Variants in PLD5 observed in about 807,000 individuals in gnomAD.
PLD5 encodes the protein inactive phospholipase D5.
Under a neutral mutation model 61.1 loss-of-function variants are expected in PLD5, and 36 were observed. The ratio of observed to expected loss-of-function variants is 0.59; its 90% CI spans 0.45 to 0.78. PLD5 has a LOEUF of 0.78. PLD5 is among the 30% of genes least tolerant of loss of function. PLD5 has a pLI of 0.00. For synonymous variants in PLD5, 243 were observed against 242.8 expected (o/e 1.00, Z -0.01); for missense variants, 515 against 644.4 (o/e 0.80, Z 2.17).
At chr1:242,431,926 G>A (rs562943009) in intron 1 of PLD5, among the ~76,000 whole-genome samples, 1 of 152,280 alleles carries the variant, frequency 6.6e-6, no homozygotes, top group African/African-American at 2.4e-5. Flanking sequence ...ACCGTAAGAG[G>A]TAAGTCAATG....
chr1:242,264,943 A>AT (rs1673574310), intron 4 of PLD5, among the ~76,000 whole-genome samples: 1 of 152,242 alleles, frequency 6.6e-6, no homozygotes, highest in Admixed American at 6.5e-5. Flanking sequence ...TGACTATATT[A>AT]TTTTTTAAAT....
chr1:242,203,858 T>C (rs1669147631), intron 5 of PLD5: 1 of 152,246 alleles, frequency 6.6e-6, no homozygotes, highest in Admixed American at 6.5e-5. Context: ...GTGGTCTTCA[T>C]TTATTTTCAC....
chr1:242,244,826 T>C (rs1165759869), intron 4 of PLD5, among the ~76,000 whole-genome samples: 3 of 152,368 alleles, frequency 2.0e-5, no homozygotes, highest in East Asian at 1.9e-4. Context: ...GCTATCTTTT[T>C]CTAAGCAAGA....
chr1:242,287,306 G>T (rs940253007), intron 3 of PLD5, among the ~76,000 whole-genome samples: 2 of 152,052 alleles, frequency 1.3e-5, no homozygotes, highest in African/African-American at 4.8e-5. Context: ...GCCCAACCCT[G>T]CCCAGAATCA....
intron 1 of PLD5, among the ~76,000 whole-genome samples, chr1:242,356,846 T>C (rs1382815089): frequency 6.6e-6 from 1 of 152,164 alleles, no homozygotes; most frequent in Non-Finnish European, 1.5e-5. Flanking sequence ...TTTATGCTTT[T>C]GATGTCCAAA....
At position 242,470,075 on chromosome 1, in the gene PLD5, C is replaced by T. The variant is rs970639169; in HGVS notation, c.189+54013G>A. Among the ~76,000 whole-genome samples the T allele has an allele frequency of 3.5e-4, 53 of 152,134 alleles. 2 individuals are homozygous for T. The highest frequency in any genetic ancestry group is 4.4e-5 in the Non-Finnish European group (3 of 68,028). ...TGGGAGGGGCTGCCGGGTGCGGTGG[C>T]TCATGCCTGTAATCCCGGCACTCTG... is the stretch of plus-strand genomic sequence containing the variant. On this transcript the variant is annotated intron_variant, in intron 1 of 9. Transcript: ENST00000536534.
At chr1:242,138,478 C>A (rs560054022) in intron 5 of PLD5, among the ~76,000 whole-genome samples, 4 of 151,616 alleles carry the variant, frequency 2.6e-5, no homozygotes, top group African/African-American at 9.7e-5. Flanking sequence ...ATTAGAAATC[C>A]CCTCGAAGAA....
rs190209343 is a variant in PLD5 at position 242,417,861 on chromosome 1, G to A, written c.190-69619C>T. ...CAGGGAAGGATCACCAAGGCAGTAAGAGGCTCCTGCAGGACCTTGTAGGCC... is the reference window on the plus strand; with the variant it reads ...CAGGGAAGGATCACCAAGGCAGTAAAAGGCTCCTGCAGGACCTTGTAGGCC... On this transcript the variant is annotated intron_variant, in intron 1 of 9. Coordinates refer to ENST00000536534, the MANE Select transcript of PLD5 (RefSeq NM_001372062.1). 4.0e-3 allele frequency among the ~76,000 whole-genome samples: 612 copies of A among 152,306 alleles called. 5 individuals are homozygous for A. The highest frequency in any genetic ancestry group is 0.014 in the African/African-American group (581 of 41,554).
In PLD5 at chr1:242,086,219, G is replaced by A. The variant is rs1223041043; in HGVS notation, c.*3635C>T. 2 of 152,152 alleles carry A rather than the reference G, an allele frequency of 1.3e-5. No homozygotes were observed. Among genetic ancestry groups the A allele is most frequent in the South Asian group, 2.1e-4 (1 of 4,822 alleles). The allele number at this position is 152,152 out of a possible 1,614,324, so 9.4% of individuals were successfully genotyped here. On this transcript the variant is annotated 3_prime_UTR_variant, in exon 10 of 10. Coordinates refer to ENST00000536534, the MANE Select transcript of PLD5 (RefSeq NM_001372062.1). Reference sequence around the variant, plus strand: ...ACAAACAGTAGCACAGAGAGGGCCCGAATGGTGCCCAGAGTTACACAGGTG... The same window carrying A: ...ACAAACAGTAGCACAGAGAGGGCCCAAATGGTGCCCAGAGTTACACAGGTG...
intron 5 of PLD5, among the ~76,000 whole-genome samples, chr1:242,131,768 T>C (rs1235300055): frequency 1.3e-5 from 2 of 151,988 alleles, no homozygotes; most frequent in Non-Finnish European, 2.9e-5. Flanking sequence ...GTGTTTTGGG[T>C]TTCAAAATAA....
Position 242,377,416 on chromosome 1 carries a change from C to A in PLD5, c.190-29174G>T, listed in dbSNP as rs2149252204. 1.5e-5 allele frequency: 15 copies of A among 1,016,124 alleles called. No homozygotes were observed. In the South Asian group the frequency reaches 2.1e-4, roughly 14 times the overall value. 62.9% of individuals were successfully genotyped at this position (1,016,124 alleles called of 1,614,324 possible). On this transcript the variant is annotated intron_variant, in intron 1 of 9. Transcript: ENST00000536534. ...TCTAACTTCCGCTTGGGACTGGGGA[C>A]CTTGGTGTCTTCTTTTGTTTCCTCC... is the stretch of plus-strand genomic sequence containing the variant.
chr1:242,435,087 A>C (rs1446517380), intron 1 of PLD5, among the ~76,000 whole-genome samples: 3 of 151,930 alleles, frequency 2.0e-5, no homozygotes, highest in Non-Finnish European at 4.4e-5. Flanking sequence ...TGTTCATATT[A>C]AATTGAAATG....
chr1:242,168,852 T>G (rs1001969745), intron 5 of PLD5, among the ~76,000 whole-genome samples: 3 of 138,398 alleles, frequency 2.2e-5, no homozygotes, highest in African/African-American at 7.8e-5. Context: ...TGAAGTTTTT[T>G]TTTTTTTTTT....
At chr1:242,518,230 C>G (rs1355784219) in intron 1 of PLD5, among the ~76,000 whole-genome samples, 1 of 152,136 alleles carries the variant, frequency 6.6e-6, no homozygotes, top group Non-Finnish European at 1.5e-5. Context: ...AGAAACTGGG[C>G]TCTTTTTCTT....
chr1:242,323,717 C>T (rs1257948620), intron 2 of PLD5, among the ~76,000 whole-genome samples: 2 of 152,148 alleles, frequency 1.3e-5, no homozygotes, highest in African/African-American at 4.8e-5. Flanking sequence ...CAGGAAAGCA[C>T]ATTTAAACAT....
chr1:242,190,136 TC>T (rs1318523632), intron 5 of PLD5, among the ~76,000 whole-genome samples: 4 of 119,658 alleles, frequency 3.3e-5, no homozygotes, highest in East Asian at 2.9e-4. Flanking sequence ...CTGACAGGAC[TC>T]CTTTTTTTTT....
At chr1:242,403,688 G>A (rs1447712495) in intron 1 of PLD5, among the ~76,000 whole-genome samples, 3 of 151,808 alleles carry the variant, frequency 2.0e-5, no homozygotes, top group Admixed American at 1.3e-4. Context: ...GGCTGGTCTC[G>A]AACCCTTGAC....
intron 5 of PLD5, among the ~76,000 whole-genome samples, chr1:242,133,000 C>T (rs1663411418): frequency 1.3e-5 from 2 of 148,862 alleles, no homozygotes; most frequent in Non-Finnish European, 3.0e-5. Flanking sequence ...CCCTTTGCAG[C>T]CACCCCTCCC....
intron 3 of PLD5, among the ~76,000 whole-genome samples, chr1:242,268,349 G>T (rs1268814080): frequency 2.0e-5 from 3 of 152,126 alleles, no homozygotes; most frequent in African/African-American, 7.2e-5. Context: ...GTATTTTTTG[G>T]CAAATTCATT....
Sources: gnomAD v4.1 joint callset for allele counts (sites outside exome capture counted in the v4.1 genomes callset) on GRCh38, gnomAD v4.1.1 for gene constraint, MANE v1.5 for transcripts, NCBI Gene and HGNC (gene_info 2026-07-23, HGNC 2026-07-21) for gene names.